TAS2R1: variants seen among roughly 807,000 people sequenced by gnomAD.
TAS2R1 encodes the protein taste receptor type 2 member 1.
For synonymous variants in TAS2R1, 141 were observed against 134.2 expected (o/e 1.05, Z -0.35); for missense variants, 370 against 353.4 (o/e 1.05, Z -0.38).
chr5:9,637,371 G>T (rs191807309), intron 2 of TAS2R1, among the ~76,000 whole-genome samples: 1 of 151,994 alleles, frequency 6.6e-6, no homozygotes, highest in Non-Finnish European at 1.5e-5. Context: ...TCTTTCCTTT[G>T]TCTTGACTTT....
At chr5:9,887,309 T>A in the TAS2R1 span, among the ~76,000 whole-genome samples, 1 of 152,222 alleles carries the variant, frequency 6.6e-6, no homozygotes, top group African/African-American at 2.4e-5. Context: ...ACCATATTAG[T>A]GCAAAGTTGC....
intron 1 of TAS2R1, among the ~76,000 whole-genome samples, chr5:9,703,749 C>T (rs535508298): frequency 4.1e-4 from 63 of 152,272 alleles, no homozygotes; most frequent in Admixed American, 1.0e-3. Context: ...AGCTTGCTTA[C>T]ATTGCATCTG....
At chr5:9,891,598 G>A in the TAS2R1 span, among the ~76,000 whole-genome samples, 1 of 152,174 alleles carries the variant, frequency 6.6e-6, no homozygotes, top group South Asian at 2.1e-4. Context: ...CCCACAAAGT[G>A]TACCTACTTC....
At chr5:9,838,823 A>G in the TAS2R1 span, among the ~76,000 whole-genome samples, 2 of 152,204 alleles carry the variant, frequency 1.3e-5, no homozygotes, top group Non-Finnish European at 2.9e-5. Context: ...CAACGCTGGA[A>G]ATGATTCACA....
intron 2 of TAS2R1, among the ~76,000 whole-genome samples, chr5:9,639,836 G>C (rs893096622): frequency 1.3e-5 from 2 of 152,196 alleles, no homozygotes; most frequent in Non-Finnish European, 2.9e-5. Flanking sequence ...ATGAGAGTTA[G>C]AGCCTTGCTC....
intron 1 of TAS2R1, among the ~76,000 whole-genome samples, chr5:9,665,986 G>A (rs962809355): frequency 6.6e-6 from 1 of 152,038 alleles, no homozygotes; most frequent in African/African-American, 2.4e-5. Flanking sequence ...ACCTATTTTT[G>A]GACAAGGAGT....
the TAS2R1 span, among the ~76,000 whole-genome samples, chr5:9,812,098 C>T: frequency 2.9e-4 from 44 of 152,064 alleles, no homozygotes; most frequent in East Asian, 3.3e-3. Flanking sequence ...ATGAATTCAC[C>T]CTCTATAGCA....
At chr5:9,769,441 G>C in the TAS2R1 span, among the ~76,000 whole-genome samples, 1 of 152,128 alleles carries the variant, frequency 6.6e-6, no homozygotes, top group Non-Finnish European at 1.5e-5. Context: ...CAGTGGGATT[G>C]CTGGATTATA....
At chr5:9,869,841 G>A in the TAS2R1 span, among the ~76,000 whole-genome samples, 1 of 152,178 alleles carries the variant, frequency 6.6e-6, no homozygotes, top group Non-Finnish European at 1.5e-5. Flanking sequence ...GCTGAATCTT[G>A]TGAGTTTTTC....
chr5:9,766,088 G>A, the TAS2R1 span, among the ~76,000 whole-genome samples: 1 of 152,108 alleles, frequency 6.6e-6, no homozygotes, highest in Non-Finnish European at 1.5e-5. Flanking sequence ...TAATTAAATT[G>A]TATGCAGGAA....
chr5:9,792,681 A>C, the TAS2R1 span, among the ~76,000 whole-genome samples: 1 of 152,176 alleles, frequency 6.6e-6, no homozygotes, highest in Non-Finnish European at 1.5e-5. Context: ...TTGACGACTT[A>C]GGAGGAAACA....
chr5:9,629,717 T>G lies in TAS2R1; in HGVS notation c.316A>C (p.Lys106Gln). 2 of 1,614,040 alleles carry G rather than the reference T, an allele frequency of 1.2e-6. No individual in the cohort carries two copies. Among genetic ancestry groups the G allele is most frequent in the Non-Finnish European group, 1.7e-6 (2 of 1,179,992 alleles). ...AGTGGGTGACGGACGCTGGCAACCT[T>G]GGCACAATAGAAAACGCCGAGCCAT... ...ATWLGVFYCA[K>Q]VASVRHPLFI... Residue 106 changes from lysine to glutamine, a missense_variant, in exon 1 of 1, where the codon AAG becomes CAG. By Grantham distance (53) the Lys-to-Gln change is moderately conservative. Transcript: ENST00000382492.
At chr5:9,835,115 A>G in the TAS2R1 span, among the ~76,000 whole-genome samples, 3 of 152,170 alleles carry the variant, frequency 2.0e-5, no homozygotes, top group Non-Finnish European at 4.4e-5. Context: ...CGCCAAAGGA[A>G]ATGAAAAGTT....
At chr5:9,638,972 G>GC (rs1740020668) in intron 2 of TAS2R1, among the ~76,000 whole-genome samples, 1 of 152,166 alleles carries the variant, frequency 6.6e-6, no homozygotes, top group Admixed American at 6.5e-5. Context: ...CTCCAGCAGT[G>GC]CCCCCGCTCA....
chr5:9,701,005 T>C (rs1741467813), intron 1 of TAS2R1, among the ~76,000 whole-genome samples: 2 of 152,078 alleles, frequency 1.3e-5, no homozygotes, highest in African/African-American at 2.4e-5. Context: ...GTTCATAGCA[T>C]AGAGAAAGCA....
chr5:9,796,310 C>A, the TAS2R1 span, among the ~76,000 whole-genome samples: 1 of 152,202 alleles, frequency 6.6e-6, no homozygotes, highest in Non-Finnish European at 1.5e-5. Context: ...CTCATATCTA[C>A]CCCACTGGGC....
chr5:9,651,159 C>A (rs994205298), intron 2 of TAS2R1, among the ~76,000 whole-genome samples: 21 of 152,178 alleles, frequency 1.4e-4, no homozygotes, highest in African/African-American at 4.6e-4. Context: ...TGAACATATT[C>A]TGTCATCAGC....
chr5:9,782,290 A>G, the TAS2R1 span, among the ~76,000 whole-genome samples: 1 of 152,194 alleles, frequency 6.6e-6, no homozygotes, highest in African/African-American at 2.4e-5. Context: ...TCTTTTCCCA[A>G]GGTTCACTGT....
the TAS2R1 span, among the ~76,000 whole-genome samples, chr5:9,772,621 T>C: frequency 1.3e-5 from 2 of 152,112 alleles, no homozygotes; most frequent in East Asian, 1.9e-4. Flanking sequence ...TATGATTGTA[T>C]TGGGGCCTCT....
Sources: gnomAD v4.1 joint callset for allele counts (sites outside exome capture counted in the v4.1 genomes callset) on GRCh38, gnomAD v4.1.1 for gene constraint, MANE v1.5 for transcripts, NCBI Gene and HGNC (gene_info 2026-07-23, HGNC 2026-07-21) for gene names.